DNAJC6: variants seen among roughly 807,000 people sequenced by gnomAD.
DNAJC6 encodes the protein DnaJ heat shock protein family (Hsp40) member C6.
DNAJC6 carries 34 observed loss-of-function variants against 110.0 expected under a neutral mutation model. The observed-to-expected ratio is 0.31, with a 90% CI of 0.24 to 0.41. The LOEUF is 0.41. Ranked by LOEUF, DNAJC6 falls within the 10% of genes least tolerant of loss-of-function variation. The pLI, the probability that DNAJC6 is intolerant of heterozygous loss-of-function variation, is 1.00. For missense variants in DNAJC6, 1,031 were observed against 1,207.8 expected, an observed-to-expected ratio of 0.85 and a Z score of 2.17; for synonymous variants, 406 against 437.2, an observed-to-expected ratio of 0.93 and a Z score of 0.89.
chr1:65,383,560 CA>C (rs1343848119), intron 5 of DNAJC6, among the ~76,000 whole-genome samples: 1 of 152,150 alleles, frequency 6.6e-6, no homozygotes, highest in African/African-American at 2.4e-5. Context: ...GAGTTGACAG[CA>C]AGCTCTTTTG....
At chr1:65,330,492 G>A (rs918247496) in intron 1 of DNAJC6, among the ~76,000 whole-genome samples, 2 of 151,682 alleles carry the variant, frequency 1.3e-5, no homozygotes, top group African/African-American at 4.8e-5. Flanking sequence ...TTTTTGAGAC[G>A]GAGTCTTTCT....
At chr1:65,378,838 A>G (rs1004179325) in intron 4 of DNAJC6, among the ~76,000 whole-genome samples, 13 of 152,224 alleles carry the variant, frequency 8.5e-5, no homozygotes, top group African/African-American at 2.9e-4. Flanking sequence ...CAATATTCCT[A>G]TAACTTAGTT....
intron 4 of DNAJC6, among the ~76,000 whole-genome samples, chr1:65,372,833 G>A (rs1204828375): frequency 6.6e-6 from 1 of 152,110 alleles, no homozygotes; most frequent in Non-Finnish European, 1.5e-5. Context: ...TCAGAGCCAA[G>A]AGAACACTTG....
chr1:65,316,650 C>T (rs1052760476), intron 1 of DNAJC6, among the ~76,000 whole-genome samples: 2 of 152,080 alleles, frequency 1.3e-5, no homozygotes, highest in Non-Finnish European at 2.9e-5. Flanking sequence ...GAAATATGCC[C>T]ATCCAAATCT....
At chr1:65,408,404 C>A (rs1398968013) in intron 16 of DNAJC6, among the ~76,000 whole-genome samples, 2 of 152,184 alleles carry the variant, frequency 1.3e-5, no homozygotes, top group Non-Finnish European at 2.9e-5. Flanking sequence ...GATTTGGCTT[C>A]ATGATCCAGC....
chr1:65,382,692 A>C (rs1387487097), intron 5 of DNAJC6, among the ~76,000 whole-genome samples: 1 of 152,258 alleles, frequency 6.6e-6, no homozygotes, highest in Non-Finnish European at 1.5e-5. Context: ...CTTAGCCTAC[A>C]TTTATACTAG....
intron 1 of DNAJC6, among the ~76,000 whole-genome samples, chr1:65,271,857 C>T (rs1653516349): frequency 7.5e-6 from 1 of 132,614 alleles, no homozygotes; most frequent in African/African-American, 2.8e-5. Context: ...GGCAACAGAG[C>T]GAGACTCCAT....
At chr1:65,287,877 A>G (rs1448276504) in intron 1 of DNAJC6, among the ~76,000 whole-genome samples, 1 of 152,196 alleles carries the variant, frequency 6.6e-6, no homozygotes, top group Non-Finnish European at 1.5e-5. Context: ...GTGTCGGGAT[A>G]ACAGGCATGA....
chr1:65,368,610 CCTT>C (rs1313965746), intron 4 of DNAJC6, among the ~76,000 whole-genome samples: 2 of 146,626 alleles, frequency 1.4e-5, no homozygotes, highest in Admixed American at 6.8e-5. Context: ...TTCTTCTCCT[CCTT>C]CTCCTTCTTC....
At chr1:65,374,558 T>G (rs1480330973) in intron 4 of DNAJC6, among the ~76,000 whole-genome samples, 2 of 152,180 alleles carry the variant, frequency 1.3e-5, no homozygotes, top group African/African-American at 2.4e-5. Flanking sequence ...ATGGCATTGG[T>G]TCCTTGATTT....
chr1:65,286,837 G>A (rs1438847405), intron 1 of DNAJC6, among the ~76,000 whole-genome samples: 1 of 152,210 alleles, frequency 6.6e-6, no homozygotes, highest in South Asian at 2.1e-4. Flanking sequence ...ATCCTGAGAG[G>A]TATGTTCATT....
At chr1:65,376,448 G>C (rs1645767320) in intron 4 of DNAJC6, among the ~76,000 whole-genome samples, 1 of 151,252 alleles carries the variant, frequency 6.6e-6, no homozygotes, top group Admixed American at 6.6e-5. Flanking sequence ...GTTTGTTCTT[G>C]CTTTTCCAGT....
chr1:65,297,049 G>C (rs532050895), intron 1 of DNAJC6, among the ~76,000 whole-genome samples: 7 of 152,182 alleles, frequency 4.6e-5, no homozygotes, highest in Non-Finnish European at 1.0e-4. Context: ...AGAAGAAGTA[G>C]ACTGTTCTAT....
chr1:65,385,796 C>G lies in DNAJC6; in HGVS notation c.885C>G (p.Val295=), dbSNP rs1362124782. Residue 295 remains valine (V), a synonymous_variant, in exon 7 of 19, where the codon GTC becomes GTG. Coordinates refer to ENST00000371069, the MANE Select transcript of DNAJC6 (RefSeq NM_001256864.2). ...CTCTCACAATTAAGTCGATCACTGT[C>G]AGTCCAATACCCTTTTTCAACAAAC... ...FKPLTIKSIT[V]SPIPFFNKQR... is the part of the protein sequence containing the mutation. 1 of 1,614,102 alleles carries G rather than the reference C, an allele frequency of 6.2e-7. No homozygotes were observed. Among genetic ancestry groups the G allele is most frequent in the East Asian group, 2.2e-5 (1 of 44,884 alleles).
At chr1:65,273,887 A>G (rs1051533579) in intron 1 of DNAJC6, among the ~76,000 whole-genome samples, 2 of 152,078 alleles carry the variant, frequency 1.3e-5, no homozygotes, top group Non-Finnish European at 2.9e-5. Flanking sequence ...GACCCTTCAT[A>G]TGATCAATTT....
chr1:65,402,632 G>A (rs915266057), intron 15 of DNAJC6, among the ~76,000 whole-genome samples: 4 of 152,074 alleles, frequency 2.6e-5, no homozygotes, highest in African/African-American at 9.7e-5. Flanking sequence ...AATAAGGGTG[G>A]GGTAGCCCTG....
rs533641295 is a variant in DNAJC6, at chr1:65,319,699, T to C, written c.193+9761T>C. ...CCCCAGAAATTCTCAGGGACTTTCT[T>C]GTACCAGCATTTGGCCACTTGAGCA... On this transcript the variant is annotated intron_variant, in intron 1 of 18. Transcript: ENST00000371069. Among the ~76,000 whole-genome samples, 418 of 152,324 alleles carry C rather than the reference T, an allele frequency of 2.7e-3. 1 individual carries two copies. Among genetic ancestry groups the C allele is most frequent in the Non-Finnish European group, 4.4e-3 (298 of 68,038 alleles).
intron 1 of DNAJC6, among the ~76,000 whole-genome samples, chr1:65,335,345 A>G (rs1570292195): frequency 6.6e-6 from 1 of 150,670 alleles, no homozygotes; most frequent in East Asian, 2.0e-4. Flanking sequence ...TGATCTCCTG[A>G]CTTTGTGATC....
chr1:65,333,748 T>C (rs1645309724), intron 1 of DNAJC6, among the ~76,000 whole-genome samples: 1 of 152,170 alleles, frequency 6.6e-6, no homozygotes, highest in Admixed American at 6.5e-5. Context: ...ACCCTAATAA[T>C]GCTCTCTACA....
Sources: gnomAD v4.1 joint callset for allele counts (sites outside exome capture counted in the v4.1 genomes callset) on GRCh38, gnomAD v4.1.1 for gene constraint, MANE v1.5 for transcripts, NCBI Gene and HGNC (gene_info 2026-07-23, HGNC 2026-07-21) for gene names.